The following DCC variants were observed in gnomAD, a reference collection of about 807,000 sequenced individuals.
DCC encodes netrin receptor DCC.
Under a neutral mutation model 172.5 loss-of-function variants are expected in DCC, and 58 were observed. The observed-to-expected ratio is 0.34, with a 90% CI of 0.27 to 0.42. The LOEUF is 0.42. Ranked by LOEUF, DCC falls within the 10% of genes least tolerant of loss-of-function variation. DCC has a pLI of 1.00. For missense variants in DCC, 1,740 were observed against 1,791.0 expected (o/e 0.97, Z 0.51); for synonymous variants, 709 against 644.5 (o/e 1.10, Z -1.52).
At chr18:52,508,141 G>A (rs1226112290) in intron 1 of DCC, among the ~76,000 whole-genome samples, 4 of 151,940 alleles carry the variant, frequency 2.6e-5, no homozygotes, top group Admixed American at 1.3e-4. Flanking sequence ...CTAATCTACG[G>A]GGACCAGTAT....
At chr18:53,312,083 G>A (rs1370095716) in intron 13 of DCC, among the ~76,000 whole-genome samples, 1 of 151,174 alleles carries the variant, frequency 6.6e-6, no homozygotes, top group African/African-American at 2.4e-5. Flanking sequence ...GCCGAGGCGG[G>A]CGGATCACGA....
chr18:53,114,685 G>C (rs2043385549), intron 7 of DCC, among the ~76,000 whole-genome samples: 1 of 151,632 alleles, frequency 6.6e-6, no homozygotes, highest in East Asian at 2.0e-4. Flanking sequence ...ATGCAGATCA[G>C]CCACGTTGGA....
chr18:53,245,576 G>A (rs538836062), intron 12 of DCC, among the ~76,000 whole-genome samples: 3 of 152,214 alleles, frequency 2.0e-5, no homozygotes, highest in South Asian at 4.1e-4. Context: ...AAAAACATCA[G>A]ATATGTCGGT....
chr18:52,427,074 A>C lies in DCC; in HGVS notation c.91+86196A>C, dbSNP rs1370301546. 2.0e-5 allele frequency among the ~76,000 whole-genome samples: 3 copies of C among 152,122 alleles called. No individual in the cohort carries two copies. In the East Asian group the frequency reaches 5.8e-4, roughly 29 times the overall value. ...CATAGAACAACTTAATGGTGAAGTA[A>C]GTACTGTAATCCAGATCCAATCTCC... On this transcript the variant is annotated intron_variant, in intron 1 of 28. Transcript: ENST00000442544.
intron 21 of DCC, among the ~76,000 whole-genome samples, chr18:53,425,862 A>G (rs1910901384): frequency 6.6e-6 from 1 of 152,136 alleles, no homozygotes; most frequent in African/African-American, 2.4e-5. Context: ...GGAACAGTTT[A>G]TTCTGATCCA....
chr18:52,899,140 T>C (rs1010337720), intron 2 of DCC, among the ~76,000 whole-genome samples: 4 of 151,990 alleles, frequency 2.6e-5, no homozygotes, highest in African/African-American at 9.7e-5. Flanking sequence ...TTTTCCCTTC[T>C]CCTATTTTAT....
intron 2 of DCC, among the ~76,000 whole-genome samples, chr18:52,799,625 A>G (rs971945042): frequency 6.6e-6 from 1 of 152,208 alleles, no homozygotes; most frequent in African/African-American, 2.4e-5. Flanking sequence ...AAATACTTGT[A>G]TGGAGCCCAT....
chr18:53,298,846 A>G (rs2879513), intron 12 of DCC, among the ~76,000 whole-genome samples: 22,113 of 152,046 alleles, frequency 0.15, 2,242 homozygotes, highest in African/African-American at 0.28. Context: ...ATTGCCAAGT[A>G]GAGTCCCTGT....
chr18:52,874,205 G>A (rs2039366663), intron 2 of DCC, among the ~76,000 whole-genome samples: 2 of 152,142 alleles, frequency 1.3e-5, no homozygotes, highest in Admixed American at 6.5e-5. Context: ...TAAAGCAGTA[G>A]TGTATGTTAA....
intron 1 of DCC, among the ~76,000 whole-genome samples, chr18:52,558,176 A>T (rs1010918844): frequency 4.6e-5 from 7 of 151,890 alleles, no homozygotes; most frequent in African/African-American, 1.7e-4. Context: ...TCATTATTGG[A>T]AAAAATTATT....
chr18:53,141,095 T>TA (rs777695318), intron 7 of DCC, among the ~76,000 whole-genome samples: 98 of 152,144 alleles, frequency 6.4e-4, no homozygotes, highest in Admixed American at 1.3e-3. Flanking sequence ...GAATCCTGGT[T>TA]AAAAAAAATT....
At chr18:52,962,758 T>C (rs574006377) in intron 5 of DCC, among the ~76,000 whole-genome samples, 117 of 152,014 alleles carry the variant, frequency 7.7e-4, no homozygotes, top group African/African-American at 2.7e-3. Context: ...ATATACACCA[T>C]GGAATACTAT....
chr18:52,677,500 A>G (rs1464228050), intron 1 of DCC, among the ~76,000 whole-genome samples: 3 of 151,596 alleles, frequency 2.0e-5, no homozygotes, highest in African/African-American at 2.4e-5. Flanking sequence ...TATATTTTTT[A>G]TTATTATTGT....
chr18:52,397,818 A>C (rs560458264), intron 1 of DCC, among the ~76,000 whole-genome samples: 2 of 151,948 alleles, frequency 1.3e-5, no homozygotes, highest in Non-Finnish European at 1.5e-5. Flanking sequence ...CTCCATCTGT[A>C]TTTGTTTTCA....
At chr18:53,186,110 G>A (rs1381412323) in intron 9 of DCC, among the ~76,000 whole-genome samples, 1 of 151,980 alleles carries the variant, frequency 6.6e-6, no homozygotes, top group South Asian at 2.1e-4. Flanking sequence ...CTTTTCTTTT[G>A]AGCACACAGT....
chr18:52,345,276 T>G (rs1455441829), intron 1 of DCC, among the ~76,000 whole-genome samples: 1 of 152,158 alleles, frequency 6.6e-6, no homozygotes, highest in Non-Finnish European at 1.5e-5. Flanking sequence ...GGATAAAAAG[T>G]CACTTGGTTC....
chr18:52,617,880 G>T (rs2034413713), intron 1 of DCC, among the ~76,000 whole-genome samples: 1 of 152,156 alleles, frequency 6.6e-6, no homozygotes, highest in East Asian at 1.9e-4. Flanking sequence ...ATTTTGAAAA[G>T]CTGCCTGCCA....
intron 1 of DCC, among the ~76,000 whole-genome samples, chr18:52,394,618 A>G (rs1465169710): frequency 6.6e-6 from 1 of 151,958 alleles, no homozygotes; most frequent in African/African-American, 2.4e-5. Flanking sequence ...CAATGTTTTT[A>G]AAAGCATAAG....
At chr18:52,630,022 A>T (rs970809550) in intron 1 of DCC, among the ~76,000 whole-genome samples, 2 of 147,560 alleles carry the variant, frequency 1.4e-5, no homozygotes, top group Non-Finnish European at 3.0e-5. Flanking sequence ...GCTACTCAGG[A>T]GGTTGAGGCA....
Sources: gnomAD v4.1 joint callset for allele counts (sites outside exome capture counted in the v4.1 genomes callset) on GRCh38, gnomAD v4.1.1 for gene constraint, MANE v1.5 for transcripts, NCBI Gene and HGNC (gene_info 2026-07-23, HGNC 2026-07-21) for gene names.